Variants in IGSF3 observed in about 807,000 individuals in gnomAD.
IGSF3 encodes the protein immunoglobulin superfamily member 3.
In IGSF3, 23 loss-of-function variants were observed where a neutral mutation model predicts 114.4. That is an observed-to-expected ratio of 0.20 (90% CI 0.14 to 0.28). The LOEUF is 0.28. Among genes scored for constraint, IGSF3 ranks in the 10% least tolerant of loss-of-function variants. The probability of loss-of-function intolerance (pLI) is 1.00; values close to 1 mark genes in which losing one functional copy is unlikely to be tolerated. For missense variants in IGSF3, 1,172 were observed against 1,591.5 expected (o/e 0.74, Z 4.48); for synonymous variants, 571 against 645.2 (o/e 0.88, Z 1.74).
At chr1:116,667,406 G>A (rs1185916770) in intron 1 of IGSF3, among the ~76,000 whole-genome samples, 5 of 152,132 alleles carry the variant, frequency 3.3e-5, no homozygotes, top group African/African-American at 4.8e-5. Flanking sequence ...AAAGAAACCG[G>A]GGAAGAAGGG....
chr1:116,589,759 G>A lies in IGSF3; in HGVS notation c.2030-655C>T, dbSNP rs779995491. 5.5e-4 allele frequency among the ~76,000 whole-genome samples: 84 copies of A among 152,134 alleles called. No individual in the cohort carries two copies. Among genetic ancestry groups the A allele is most frequent in the Non-Finnish European group, 1.0e-3 (70 of 68,030 alleles). On this transcript the variant is annotated intron_variant, in intron 7 of 10. Transcript: ENST00000369486. The surrounding 1 kb of genome is among the most constrained non-coding windows in gnomAD (Gnocchi z 5.7). Reference sequence around the variant, plus strand: ...ACATCTCTCTCCCATATCCTAGATGGTGAGCTCCCCCAGGGCAGGGATCAA... The same window carrying A: ...ACATCTCTCTCCCATATCCTAGATGATGAGCTCCCCCAGGGCAGGGATCAA...
chr1:116,606,610 G>A, intron 5 of IGSF3: 2 of 741,114 alleles, frequency 2.7e-6, no homozygotes, highest in East Asian at 2.5e-5. Context: ...AGGGGTTGGG[G>A]GAAATCTTAG....
At position 116,608,244 on chromosome 1, in the gene IGSF3, T is replaced by C; in HGVS notation, c.920A>G (p.Gln307Arg). Residue 307 changes from glutamine to arginine, a missense_variant, in exon 5 of 11, where the codon CAG (glutamine) becomes CGG (arginine). Coordinates refer to ENST00000369486, the MANE Select transcript of IGSF3 (RefSeq NM_001007237.3). ...PVEFRCILEA[Q>R]NVPDRYFAVS... ...AGCAAAGTAACGGTCGGGAACATTC[T>C]GAGCCTCCAGGATGCATCTGAACTC... The C allele has an allele frequency of 6.2e-7, 1 of 1,611,278 alleles. No homozygotes were observed. The highest frequency in any genetic ancestry group is 8.5e-7 in the Non-Finnish European group (1 of 1,177,754).
intron 2 of IGSF3, among the ~76,000 whole-genome samples, chr1:116,621,638 G>A (rs1035895020): frequency 6.6e-6 from 1 of 151,826 alleles, no homozygotes; most frequent in Non-Finnish European, 1.5e-5. Context: ...AACTAATGTA[G>A]ACACCTGCAG....
At position 116,647,682 on chromosome 1, in the gene IGSF3, G is replaced by A. The variant is rs145951547; in HGVS notation, c.43+18602C>T. 1.7e-3 allele frequency among the ~76,000 whole-genome samples: 254 copies of A among 152,320 alleles called. No individual in the cohort carries two copies. Among genetic ancestry groups the A allele is most frequent in the African/African-American group, 5.9e-3 (245 of 41,570 alleles). ...AATGTTGATTGAATGTTGTCTGGGC[G>A]GACAGAGGCAAGGATGACCGGAACA... On this transcript the variant is annotated intron_variant, in intron 2 of 10. Coordinates refer to ENST00000369486, the MANE Select transcript of IGSF3 (RefSeq NM_001007237.3). This position sits in a 1 kb window ranked among gnomAD's most constrained non-coding sequence, Gnocchi z 4.6.
intron 4 of IGSF3, among the ~76,000 whole-genome samples, chr1:116,613,190 C>T (rs1027510634): frequency 2.6e-5 from 4 of 152,146 alleles, no homozygotes; most frequent in Admixed American, 6.5e-5. Flanking sequence ...CCTCACAGAA[C>T]GTCTGGGGGA....
At chr1:116,586,997 G>T (rs925880542) in intron 8 of IGSF3, among the ~76,000 whole-genome samples, 1 of 152,002 alleles carries the variant, frequency 6.6e-6, no homozygotes, top group African/African-American at 2.4e-5. Flanking sequence ...CGAGAGGCCA[G>T]TGAGAATCTC....
chr1:116,636,396 G>C lies in IGSF3; in HGVS notation c.44-19939C>G, dbSNP rs1203796122. On this transcript the variant is annotated intron_variant, in intron 2 of 10. Coordinates refer to ENST00000369486, the MANE Select transcript of IGSF3 (RefSeq NM_001007237.3). The surrounding 1 kb of genome is among the most constrained non-coding windows in gnomAD (Gnocchi z 4.5). Reference sequence around the variant, plus strand: ...GTTTTCATGCAAACTGGTTCTTCCAGGTTCTTATGCCTGGAAGAACTGCTG... The same window carrying C: ...GTTTTCATGCAAACTGGTTCTTCCACGTTCTTATGCCTGGAAGAACTGCTG... Among the ~76,000 whole-genome samples, 1 of 152,130 alleles carries C rather than the reference G, an allele frequency of 6.6e-6. No homozygotes were observed. The highest frequency in any genetic ancestry group is 1.5e-5 in the Non-Finnish European group (1 of 68,028).
At position 116,593,401 on chromosome 1, in the gene IGSF3, C is replaced by T. The variant is rs571043254; in HGVS notation, c.2030-4297G>A. Among the ~76,000 whole-genome samples, 8 of 152,318 alleles carry T rather than the reference C, an allele frequency of 5.3e-5. No individual in the cohort carries two copies. Among genetic ancestry groups the T allele is most frequent in the African/African-American group, 1.2e-4 (5 of 41,562 alleles). On this transcript the variant is annotated intron_variant, in intron 7 of 10. Transcript: ENST00000369486. The surrounding 1 kb of genome is among the most constrained non-coding windows in gnomAD (Gnocchi z 4.5). The stretch of plus-strand genomic sequence containing the variant: ...AGATGGGCACTGAGGGAGGAAGACA[C>T]TGCTCTTTATTAAAGACAACAGACA...
At position 116,596,255 on chromosome 1, in the gene IGSF3, T is replaced by C. The variant is rs560197247; in HGVS notation, c.2029+3686A>G. On this transcript the variant is annotated intron_variant, in intron 7 of 10. Coordinates refer to ENST00000369486, the MANE Select transcript of IGSF3 (RefSeq NM_001007237.3). This position sits in a 1 kb window ranked among gnomAD's most constrained non-coding sequence, Gnocchi z 4.1. ...CATGAGTGAGTCAACAGTCCCTGGG[T>C]TCCTATTTGATTCTGATGGAATAAG... is the stretch of plus-strand genomic sequence containing the variant. 7.4e-4 allele frequency among the ~76,000 whole-genome samples: 113 copies of C among 152,306 alleles called. No individual in the cohort carries two copies. Among genetic ancestry groups the C allele is most frequent in the African/African-American group, 2.4e-3 (101 of 41,564 alleles).
rs143191429 is a variant in IGSF3, at chr1:116,629,973, C to G, written c.44-13516G>C. Among the ~76,000 whole-genome samples the G allele has an allele frequency of 0.012, 1,874 of 152,274 alleles. 42 individuals are homozygous for G. Among genetic ancestry groups the G allele is most frequent in the African/African-American group, 0.042 (1,756 of 41,540 alleles). On this transcript the variant is annotated intron_variant, in intron 2 of 10. Coordinates refer to ENST00000369486, the MANE Select transcript of IGSF3 (RefSeq NM_001007237.3). The surrounding 1 kb of genome is among the most constrained non-coding windows in gnomAD (Gnocchi z 4.3). ...GGGTACAAGGAAGGCACCTGAATGA[C>G]AGATGGTTTGAGGAATCTTGAGAAA...
In IGSF3 at chr1:116,594,003, C is replaced by T. The variant is rs61453879; in HGVS notation, c.2030-4899G>A. Among the ~76,000 whole-genome samples, 2,693 of 152,324 alleles carry T rather than the reference C, an allele frequency of 0.018. 83 individuals carry two copies. Among genetic ancestry groups the T allele is most frequent in the African/African-American group, 0.062 (2,558 of 41,558 alleles). On this transcript the variant is annotated intron_variant, in intron 7 of 10. Coordinates refer to ENST00000369486, the MANE Select transcript of IGSF3 (RefSeq NM_001007237.3). This position sits in a 1 kb window ranked among gnomAD's most constrained non-coding sequence, Gnocchi z 5.2. ...TGCCTCTGGGCCTAGAACCTACTTT[C>T]GTTTTACTATAATCACAATACTTTT...
In IGSF3 at chr1:116,613,972, C is replaced by T. The variant is rs768126465; in HGVS notation, c.625G>A (p.Glu209Lys). 9.9e-6 allele frequency: 16 copies of T among 1,614,004 alleles called. No individual in the cohort carries two copies. In the East Asian group the frequency reaches 2.0e-4, roughly 20 times the overall value. Residue 209 changes from glutamate to lysine, a missense_variant, in exon 4 of 11, where the codon GAA becomes AAA. Physicochemically the swap from Glu to Lys is moderately conservative, Grantham distance 56. This residue lies in a region of IGSF3 where 736 missense variants were observed against 1,042.0 expected (regional missense o/e 0.71). Coordinates refer to ENST00000369486, the MANE Select transcript of IGSF3 (RefSeq NM_001007237.3). ...SRDFMLHSSS[E>K]YAQRQSLGEV... is the part of the protein sequence containing the mutation. ...CCCAGGCTCTGCCTCTGGGCATATTCGCTGCTGGAGTGAAGCATGAAATCT... is the reference window on the plus strand; with the variant it reads ...CCCAGGCTCTGCCTCTGGGCATATTTGCTGCTGGAGTGAAGCATGAAATCT...
chr1:116,599,348 C>T (rs538824321), intron 7 of IGSF3, among the ~76,000 whole-genome samples: 1 of 151,904 alleles, frequency 6.6e-6, no homozygotes, highest in African/African-American at 2.4e-5. Flanking sequence ...AAACAATTGG[C>T]CTGTGCATTT....
At chr1:116,617,318 T>C in intron 2 of IGSF3, 4 of 985,204 alleles carry the variant, frequency 4.1e-6, no homozygotes, top group Non-Finnish European at 4.8e-6. Context: ...TGAGTTTAAT[T>C]TCTCATTTCA....
chr1:116,640,758 A>C (rs1177221379), intron 2 of IGSF3, among the ~76,000 whole-genome samples: 1 of 152,188 alleles, frequency 6.6e-6, no homozygotes, highest in Non-Finnish European at 1.5e-5. Context: ...GTAAATCTTC[A>C]TCCAAGGGTA....
chr1:116,589,073 C>G lies in IGSF3; in HGVS notation c.2061G>C (p.Arg687Ser). Residue 687 changes from arginine (R) to serine (S), a missense_variant, in exon 8 of 11, where the codon AGG (arginine) becomes AGC (serine). Arg to Ser is a moderately radical substitution (Grantham distance 110). Around this residue, in one of 3 missense-constraint regions of IGSF3, gnomAD observed 736 missense variants for 1,042.0 expected, o/e 0.71. Coordinates refer to ENST00000369486, the MANE Select transcript of IGSF3 (RefSeq NM_001007237.3). This position sits in a 1 kb window ranked among gnomAD's most constrained non-coding sequence, Gnocchi z 5.7. Reference protein sequence around the residue: ...VTKLQVSKSKRTLTLVENKPI... With the variant: ...VTKLQVSKSKSTLTLVENKPI... Reference sequence around the variant, plus strand: ...GCTTGTTTTCCACCAGGGTGAGGGTCCTCTTCGATTTGCTCACCTGCAGCT... The same window carrying G: ...GCTTGTTTTCCACCAGGGTGAGGGTGCTCTTCGATTTGCTCACCTGCAGCT... 1 of 1,613,956 alleles carries G rather than the reference C, an allele frequency of 6.2e-7. No homozygotes were observed. Among genetic ancestry groups the G allele is most frequent in the South Asian group, 1.1e-5 (1 of 91,072 alleles).
chr1:116,601,373 G>C (rs1008566593), intron 6 of IGSF3, among the ~76,000 whole-genome samples: 11 of 152,178 alleles, frequency 7.2e-5, no homozygotes, highest in Non-Finnish European at 1.2e-4. Flanking sequence ...TCTAGACTCT[G>C]GAGCCAGCAG....
In IGSF3 at chr1:116,655,205, G is replaced by A. The variant is rs1648795638; in HGVS notation, c.43+11079C>T. On this transcript the variant is annotated intron_variant, in intron 2 of 10. Coordinates refer to ENST00000369486, the MANE Select transcript of IGSF3 (RefSeq NM_001007237.3). This position sits in a 1 kb window ranked among gnomAD's most constrained non-coding sequence, Gnocchi z 4.3. The stretch of plus-strand genomic sequence containing the variant: ...AACAGAACAATGAATGCTTGTAGCA[G>A]GCACTCGGTTATTTGTTGAATGAAC... Among the ~76,000 whole-genome samples, 1 of 152,156 alleles carries A rather than the reference G, an allele frequency of 6.6e-6. No homozygotes were observed. The highest frequency in any genetic ancestry group is 1.5e-5 in the Non-Finnish European group (1 of 68,028).
Sources: allele counts gnomAD v4.1 joint callset (sites outside exome capture counted in the v4.1 genomes callset), GRCh38; gene constraint gnomAD v4.1.1; regional missense constraint gnomAD v4.1.1; non-coding constraint Gnocchi (gnomAD v3.1); transcripts MANE v1.5; gene names NCBI Gene and HGNC (gene_info 2026-07-23, HGNC 2026-07-21).